The following RSRC1 variants were observed in gnomAD, a reference collection of about 807,000 sequenced individuals.
RSRC1 encodes arginine and serine rich coiled-coil 1.
In RSRC1, 39 loss-of-function variants were observed where a neutral mutation model predicts 49.1. The ratio of observed to expected loss-of-function variants is 0.79; its 90% CI spans 0.61 to 1.04. The LOEUF is 1.04. RSRC1 is among the 50% of genes least tolerant of loss of function. The pLI, the probability that RSRC1 is intolerant of heterozygous loss-of-function variation, is 0.00. For synonymous variants in RSRC1, 143 were observed against 130.8 expected (o/e 1.09, Z -0.63); for missense variants, 388 against 402.4 (o/e 0.96, Z 0.31).
intron 3 of RSRC1, among the ~76,000 whole-genome samples, chr3:158,140,416 T>C (rs1716674755): frequency 6.6e-6 from 1 of 152,352 alleles, no homozygotes; most frequent in African/African-American, 2.4e-5. Context: ...ATATGCACTC[T>C]GCTAATGGCC....
chr3:158,316,055 C>T (rs1308710142), intron 5 of RSRC1, among the ~76,000 whole-genome samples: 1 of 151,862 alleles, frequency 6.6e-6, no homozygotes, highest in Non-Finnish European at 1.5e-5. Flanking sequence ...ACCTGTAATC[C>T]CAGCTACTGG....
At chr3:158,224,272 G>A (rs760032939) in intron 4 of RSRC1, among the ~76,000 whole-genome samples, 2 of 151,618 alleles carry the variant, frequency 1.3e-5, no homozygotes, top group African/African-American at 2.4e-5. Context: ...GTCAGCATAC[G>A]CTTTAAAATT....
chr3:158,385,953 A>T (rs573730822), intron 6 of RSRC1, among the ~76,000 whole-genome samples: 1 of 152,144 alleles, frequency 6.6e-6, no homozygotes, highest in Non-Finnish European at 1.5e-5. Context: ...CTAAAGAAGC[A>T]TGTGGATTTA....
chr3:158,351,942 A>G (rs1189994158), intron 5 of RSRC1, among the ~76,000 whole-genome samples: 1 of 147,418 alleles, frequency 6.8e-6, no homozygotes, highest in Non-Finnish European at 1.5e-5. Flanking sequence ...TATATAATAG[A>G]TAATTATAAT....
intron 6 of RSRC1, among the ~76,000 whole-genome samples, chr3:158,423,992 T>C (rs1216036771): frequency 1.3e-5 from 2 of 150,956 alleles, no homozygotes; most frequent in African/African-American, 4.9e-5. Flanking sequence ...TGGGGTTTTC[T>C]AGATATACAA....
intron 6 of RSRC1, among the ~76,000 whole-genome samples, chr3:158,410,399 T>C (rs1734397214): frequency 6.6e-6 from 1 of 152,194 alleles, no homozygotes. Context: ...GAAACATTCC[T>C]GACACCTAAC....
At position 158,324,340 on chromosome 3, in the gene RSRC1, G is replaced by A. The variant is rs561419566; in HGVS notation, c.531+26265G>A. On this transcript the variant is annotated intron_variant, in intron 5 of 9. Transcript: ENST00000611884. ...GTTGGTGTGCTGCACCCATTAACTC[G>A]TCATTTACATTAGCTATATCTCCTA... 1.8e-4 allele frequency among the ~76,000 whole-genome samples: 28 copies of A among 151,968 alleles called. 1 individual carries two copies. Among genetic ancestry groups the A allele is most frequent in the South Asian group, 1.5e-3 (7 of 4,806 alleles).
chr3:158,396,967 T>C (rs1415667021), intron 6 of RSRC1, among the ~76,000 whole-genome samples: 1 of 152,106 alleles, frequency 6.6e-6, no homozygotes, highest in Non-Finnish European at 1.5e-5. Context: ...TTTAGAAAGG[T>C]CAAACATCTA....
chr3:158,321,443 G>A (rs1489009446), intron 5 of RSRC1, among the ~76,000 whole-genome samples: 1 of 151,606 alleles, frequency 6.6e-6, no homozygotes, highest in Non-Finnish European at 1.5e-5. Flanking sequence ...AATTTTATTG[G>A]AATATTTTAT....
At chr3:158,258,089 A>G (rs1310518450) in intron 4 of RSRC1, among the ~76,000 whole-genome samples, 3 of 151,848 alleles carry the variant, frequency 2.0e-5, no homozygotes, top group Admixed American at 6.6e-5. Context: ...CCACAGTTAC[A>G]TGTTATAATA....
At chr3:158,451,765 T>C (rs1478735769) in intron 6 of RSRC1, among the ~76,000 whole-genome samples, 1 of 152,094 alleles carries the variant, frequency 6.6e-6, no homozygotes, top group Non-Finnish European at 1.5e-5. Flanking sequence ...ATATAACATA[T>C]GGGAATTAGA....
chr3:158,495,379 G>C (rs539578437), intron 7 of RSRC1, among the ~76,000 whole-genome samples: 42 of 152,176 alleles, frequency 2.8e-4, no homozygotes, highest in African/African-American at 1.0e-3. Flanking sequence ...CCACCTCCTG[G>C]GTTCAAGCAA....
chr3:158,419,820 C>CA lies in RSRC1; in HGVS notation c.584-41100dup, dbSNP rs10574446. On this transcript the variant is annotated intron_variant, in intron 6 of 9. Transcript: ENST00000611884. ...CATGTAATAGACACTTTAAATCTAG[C>CA]AAAAAAAAAAAAAAAGAGGCTAATG... Among the ~76,000 whole-genome samples the CA allele has an allele frequency of 2.7e-3, 366 of 134,394 alleles. 1 individual carries two copies. The highest frequency in any genetic ancestry group is 6.3e-3 in the East Asian group (27 of 4,292). The allele number at this position is 134,394 out of a possible 152,430, so 88.2% of individuals were successfully genotyped here. A position where few individuals can be genotyped will look rare whatever the true frequency, so the allele number is the denominator to read the frequency against.
intron 1 of RSRC1, among the ~76,000 whole-genome samples, chr3:158,118,150 A>G (rs981592400): frequency 6.6e-6 from 1 of 151,994 alleles, no homozygotes; most frequent in African/African-American, 2.4e-5. Flanking sequence ...AGTTTTCACC[A>G]TGTTGGCGGG....
At position 158,367,067 on chromosome 3, in the gene RSRC1, T is replaced by C. The variant is rs181160991; in HGVS notation, c.583+12159T>C. Among the ~76,000 whole-genome samples the C allele has an allele frequency of 3.3e-3, 499 of 152,336 alleles. 3 individuals are homozygous for C. Among genetic ancestry groups the C allele is most frequent in the Non-Finnish European group, 5.3e-3 (360 of 68,028 alleles). On this transcript the variant is annotated intron_variant, in intron 6 of 9. Coordinates refer to ENST00000611884, the MANE Select transcript of RSRC1 (RefSeq NM_001271838.2). The stretch of plus-strand genomic sequence containing the variant: ...GGCTGAGATGATGGGGTTTTCTATA[T>C]ATACAATCATGTCATCTGCAAACAG...
chr3:158,514,621 T>A (rs947872744), intron 7 of RSRC1, among the ~76,000 whole-genome samples: 5 of 152,144 alleles, frequency 3.3e-5, no homozygotes, highest in African/African-American at 1.2e-4. Context: ...GTTCTGTAGA[T>A]GTCTATTATG....
At chr3:158,209,434 T>A (rs1258652040) in intron 4 of RSRC1, among the ~76,000 whole-genome samples, 1 of 152,096 alleles carries the variant, frequency 6.6e-6, no homozygotes, top group African/African-American at 2.4e-5. Context: ...AAATTTTTAT[T>A]CATTATAAAC....
chr3:158,274,379 T>TC (rs1031306982), intron 4 of RSRC1, among the ~76,000 whole-genome samples: 15 of 151,968 alleles, frequency 9.9e-5, no homozygotes, highest in Admixed American at 5.9e-4. Context: ...TCTTTTTTTT[T>TC]TTCTTTTTAG....
At chr3:158,447,784 C>CT (rs1736801206) in intron 6 of RSRC1, among the ~76,000 whole-genome samples, 1 of 151,674 alleles carries the variant, frequency 6.6e-6, no homozygotes, top group Non-Finnish European at 1.5e-5. Context: ...AAGAAACACC[C>CT]TTTTTAATGC....
Sources: allele counts gnomAD v4.1 joint callset (sites outside exome capture counted in the v4.1 genomes callset), GRCh38; gene constraint gnomAD v4.1.1; transcripts MANE v1.5; gene names NCBI Gene and HGNC (gene_info 2026-07-23, HGNC 2026-07-21).